Variants in OSBPL6 observed in about 807,000 individuals in gnomAD.
OSBPL6 encodes oxysterol-binding protein-related protein 6.
Under a neutral mutation model 125.8 loss-of-function variants are expected in OSBPL6, and 49 were observed. That is an observed-to-expected ratio of 0.39 (90% CI 0.31 to 0.49). OSBPL6 has a LOEUF of 0.49. Ranked by LOEUF, OSBPL6 falls within the 20% of genes least tolerant of loss-of-function variation. The pLI, the probability that OSBPL6 is intolerant of heterozygous loss-of-function variation, is 0.88. For synonymous variants in OSBPL6, 394 were observed against 391.8 expected, an observed-to-expected ratio of 1.01 and a Z score of -0.07; for missense variants, 986 against 1,135.4, an observed-to-expected ratio of 0.87 and a Z score of 1.89.
At chr2:178,305,803 G>A (rs1397854548) in intron 2 of OSBPL6, among the ~76,000 whole-genome samples, 1 of 148,516 alleles carries the variant, frequency 6.7e-6, no homozygotes, top group South Asian at 2.1e-4. Context: ...GAGAGAATAT[G>A]ACTTTAGTAC....
chr2:178,349,495 T>C, intron 12 of OSBPL6, 106 bp downstream of exon 12: 1 of 1,350,658 alleles, frequency 7.4e-7, no homozygotes, highest in Non-Finnish European at 1.0e-6. Context: ...AAAGATTAAA[T>C]GGTTGGATAT....
intron 1 of OSBPL6, among the ~76,000 whole-genome samples, chr2:178,256,495 G>A (rs2091891766): frequency 6.6e-6 from 1 of 152,086 alleles, no homozygotes; most frequent in East Asian, 1.9e-4. Flanking sequence ...TCTTCCTCAG[G>A]CAGCTCCTAA....
chr2:178,326,675 A>G (rs1688720087), intron 4 of OSBPL6, among the ~76,000 whole-genome samples: 1 of 152,202 alleles, frequency 6.6e-6, no homozygotes, highest in Non-Finnish European at 1.5e-5. Flanking sequence ...AACATTATCC[A>G]CAGCATTTAT....
chr2:178,317,446 A>ATATATC (rs1368261419), intron 3 of OSBPL6, among the ~76,000 whole-genome samples: 1 of 5,460 alleles, frequency 1.8e-4, no homozygotes, highest in Non-Finnish European at 5.6e-4. Flanking sequence ...CCATATATAT[A>ATATATC]TATATATATA....
chr2:178,382,304 C>A, intron 15 of OSBPL6, 116 bp from the exon 16 acceptor site: 2 of 1,297,022 alleles, frequency 1.5e-6, no homozygotes, highest in East Asian at 2.5e-5. Context: ...ATACTTTTCC[C>A]TCTAGGACCT....
At chr2:178,215,259 A>G (rs1190400557) in intron 1 of OSBPL6, among the ~76,000 whole-genome samples, 1 of 152,236 alleles carries the variant, frequency 6.6e-6, no homozygotes, top group Non-Finnish European at 1.5e-5. Context: ...GATGTATGCC[A>G]AATAACCTCA....
Position 178,324,159 on chromosome 2 carries a change from G to A in OSBPL6, c.103-18G>A. The A allele has an allele frequency of 1.4e-6, 2 of 1,475,472 alleles. No homozygotes were observed. Among genetic ancestry groups the A allele is most frequent in the Non-Finnish European group, 1.8e-6 (2 of 1,081,692 alleles). The allele number at this position is 1,475,472 out of a possible 1,614,324, so 91.4% of individuals were successfully genotyped here. On this transcript the variant is annotated intron_variant, in intron 3 of 24. Transcript: ENST00000190611. The stretch of plus-strand genomic sequence containing the variant: ...AGTGAGTTGTCTAACCCTGGGCTAT[G>A]TTTTCATTTATTTTCAGAGTATTCA...
chr2:178,260,725 T>TA (rs757806971), intron 1 of OSBPL6, among the ~76,000 whole-genome samples: 46 of 152,342 alleles, frequency 3.0e-4, no homozygotes, highest in Admixed American at 6.5e-4. Context: ...AGAGATTTTT[T>TA]AAAAACTCAA....
chr2:178,233,229 C>T (rs2090907692), intron 1 of OSBPL6, among the ~76,000 whole-genome samples: 2 of 152,164 alleles, frequency 1.3e-5, no homozygotes, highest in Admixed American at 6.5e-5. Flanking sequence ...TGCTTCTTCC[C>T]CTTTAAAAAA....
chr2:178,339,624 T>C (rs1296269516), intron 10 of OSBPL6, 48 bp from the exon 11 acceptor site: 1 of 1,458,404 alleles, frequency 6.9e-7, no homozygotes, highest in Non-Finnish European at 9.3e-7. Flanking sequence ...GTATCATCTG[T>C]GTGAACTTAA....
At chr2:178,217,400 T>C (rs1375342420) in intron 1 of OSBPL6, among the ~76,000 whole-genome samples, 2 of 152,100 alleles carry the variant, frequency 1.3e-5, no homozygotes, top group South Asian at 2.1e-4. Context: ...AAGAAGTCAG[T>C]GGGATGGTGA....
At chr2:178,218,637 T>C (rs1268123290) in intron 1 of OSBPL6, among the ~76,000 whole-genome samples, 11 of 150,142 alleles carry the variant, frequency 7.3e-5, no homozygotes, top group Admixed American at 3.3e-4. Flanking sequence ...TTCTTTCTTT[T>C]TTTTTTTTTT....
At chr2:178,287,417 A>G (rs1684808861) in intron 2 of OSBPL6, among the ~76,000 whole-genome samples, 3 of 152,166 alleles carry the variant, frequency 2.0e-5, no homozygotes, top group African/African-American at 4.8e-5. Flanking sequence ...TTCTGCCTGC[A>G]TTACTTTGCT....
chr2:178,200,869 C>A (rs1452690255), intron 1 of OSBPL6, among the ~76,000 whole-genome samples: 1 of 151,856 alleles, frequency 6.6e-6, no homozygotes, highest in Non-Finnish European at 1.5e-5. Flanking sequence ...GATCTCGGCT[C>A]AGTGCAAGCT....
intron 11 of OSBPL6, among the ~76,000 whole-genome samples, chr2:178,347,082 T>C (rs2154087194): frequency 1.3e-5 from 2 of 152,200 alleles, no homozygotes; most frequent in Non-Finnish European, 2.9e-5. Context: ...GTTTTTCTTC[T>C]CAGCATCTGA....
chr2:178,235,398 C>CTTTTTTTTTTTTTTTTT lies in OSBPL6; in HGVS notation c.-351+40734_-351+40750dup, dbSNP rs540269327. On this transcript the variant is annotated intron_variant, in intron 1 of 24. Transcript: ENST00000190611. ...CTTTCTTTCCTTTTTCTTTTCTTTT[C>CTTTTTTTTTTTTTTTTT]TTTTTTTTTTTTTTTTTTTTTTTTT... 6.1e-3 allele frequency among the ~76,000 whole-genome samples: 479 copies of CTTTTTTTTTTTTTTTTT among 78,014 alleles called. 18 individuals are homozygous for CTTTTTTTTTTTTTTTTT. Among genetic ancestry groups the CTTTTTTTTTTTTTTTTT allele is most frequent in the East Asian group, 0.01 (25 of 2,462 alleles). The allele number at this position is 78,014 out of a possible 152,430, so 51.2% of individuals were successfully genotyped here. A position where few individuals can be genotyped will look rare whatever the true frequency, so the allele number is the denominator to read the frequency against.
At chr2:178,213,515 T>TCATCAC in intron 1 of OSBPL6, among the ~76,000 whole-genome samples, 1 of 152,202 alleles carries the variant, frequency 6.6e-6, no homozygotes, top group Non-Finnish European at 1.5e-5. Context: ...CTGCCCTTTT[T>TCATCAC]CATGCCTCCA....
chr2:178,302,931 T>C (rs567904026), intron 2 of OSBPL6, among the ~76,000 whole-genome samples: 97 of 152,332 alleles, frequency 6.4e-4, no homozygotes, highest in Admixed American at 1.7e-3. Flanking sequence ...TTGGAAGCAC[T>C]TGAACGCATC....
In OSBPL6 at chr2:178,324,286, G is replaced by A. The variant is rs369325082; in HGVS notation, c.195+17G>A. The A allele has an allele frequency of 4.4e-5, 68 of 1,528,692 alleles. No individual in the cohort carries two copies. Among genetic ancestry groups the A allele is most frequent in the Middle Eastern group, 3.5e-4 (2 of 5,724 alleles). The allele number at this position is 1,528,692 out of a possible 1,614,324, so 94.7% of individuals were successfully genotyped here. A position where few individuals can be genotyped will look rare whatever the true frequency, so the allele number is the denominator to read the frequency against. On this transcript the variant is annotated intron_variant, in intron 4 of 24. Transcript: ENST00000190611. Reference sequence around the variant, plus strand: ...CTCTCCAAGGTCAGTGATGAAATGCGGTGCTTTCTCTGCTGGCATGATGCC... The same window carrying A: ...CTCTCCAAGGTCAGTGATGAAATGCAGTGCTTTCTCTGCTGGCATGATGCC...
Sources: allele counts gnomAD v4.1 joint callset (sites outside exome capture counted in the v4.1 genomes callset), GRCh38; gene constraint gnomAD v4.1.1; transcripts MANE v1.5; gene names NCBI Gene and HGNC (gene_info 2026-07-23, HGNC 2026-07-21).